Variants in BMPR2 observed in about 807,000 individuals in gnomAD.
BMPR2 encodes the protein bone morphogenetic protein receptor type 2, also known as bone morphogenetic protein receptor type-2.
A neutral mutation model predicts 100.8 loss-of-function variants in BMPR2; 29 were observed. The ratio of observed to expected loss-of-function variants is 0.29; its 90% CI spans 0.21 to 0.39. The LOEUF is 0.39. Among genes scored for constraint, BMPR2 ranks in the 10% least tolerant of loss-of-function variants. The probability of loss-of-function intolerance (pLI) is 1.00; values close to 1 mark genes in which losing one functional copy is unlikely to be tolerated. For synonymous variants in BMPR2, 382 were observed against 442.3 expected (o/e 0.86, Z 1.71); for missense variants, 1,011 against 1,274.5 (o/e 0.79, Z 3.15).
intron 12 of BMPR2, among the ~76,000 whole-genome samples, chr2:202,559,303 C>CCA (rs1559075419): frequency 7.2e-6 from 1 of 139,830 alleles, no homozygotes. Context: ...CTCCATCCCC[C>CCA]AAAAAAAAAA....
intron 3 of BMPR2, among the ~76,000 whole-genome samples, chr2:202,486,002 C>T (rs981697737): frequency 6.6e-6 from 1 of 152,004 alleles, no homozygotes; most frequent in Non-Finnish European, 1.5e-5. Flanking sequence ...TAGGATAAAA[C>T]ATCAGTTGTA....
Position 202,490,142 on chromosome 2 carries a change from A to G in BMPR2, c.418+22453A>G, listed in dbSNP as rs188060634. 8.7e-4 allele frequency among the ~76,000 whole-genome samples: 133 copies of G among 152,308 alleles called. 1 individual carries two copies. The highest frequency in any genetic ancestry group is 2.2e-3 in the Admixed American group (34 of 15,298). ...CATATTTTAGATTTCTGCTCGCCTT[A>G]TATTTGTCAGCTTCTCATTGGTCTG... On this transcript the variant is annotated intron_variant, in intron 3 of 12. Coordinates refer to ENST00000374580, the MANE Select transcript of BMPR2 (RefSeq NM_001204.7).
chr2:202,455,031 A>G (rs188034792), intron 1 of BMPR2, among the ~76,000 whole-genome samples: 470 of 152,260 alleles, frequency 3.1e-3, no homozygotes, highest in Non-Finnish European at 5.6e-3. Context: ...ATAGGGTACT[A>G]ATCCTATCTC....
intron 3 of BMPR2, chr2:202,469,407 A>C (rs180689674): frequency 4.8e-6 from 1 of 209,464 alleles, no homozygotes; most frequent in African/African-American, 2.3e-5. Flanking sequence ...TTAAGTACCT[A>C]ACAATGGAAA....
intron 7 of BMPR2, among the ~76,000 whole-genome samples, chr2:202,525,005 A>T (rs1195619420): frequency 6.6e-6 from 1 of 152,116 alleles, no homozygotes; most frequent in Non-Finnish European, 1.5e-5. Flanking sequence ...AAAGAAAAAA[A>T]TGTTCTTTTG....
chr2:202,448,924 GGTGTGTGTGTGTGT>G (rs55680029), intron 1 of BMPR2, among the ~76,000 whole-genome samples: 42 of 142,926 alleles, frequency 2.9e-4, no homozygotes, highest in Middle Eastern at 3.6e-3. Flanking sequence ...GTTTAGAATT[GGTGTGTGTGTGTGT>G]GTGTGTGTGT....
At position 202,446,194 on chromosome 2, in the gene BMPR2, A is replaced by G. The variant is rs148571731; in HGVS notation, c.77-18615A>G. 6.6e-3 allele frequency among the ~76,000 whole-genome samples: 986 copies of G among 150,306 alleles called. 108 individuals are homozygous for G. Among genetic ancestry groups the G allele is most frequent in the African/African-American group, 0.024 (943 of 39,808 alleles). ...GGTGGGCGGATCCCCTGAGGTTGGG[A>G]GTTCAAGACCAGCCTGACAACATGG... On this transcript the variant is annotated intron_variant, in intron 1 of 12. Coordinates refer to ENST00000374580, the MANE Select transcript of BMPR2 (RefSeq NM_001204.7).
At chr2:202,485,946 T>A (rs923103457) in intron 3 of BMPR2, among the ~76,000 whole-genome samples, 1 of 152,004 alleles carries the variant, frequency 6.6e-6, no homozygotes, top group Non-Finnish European at 1.5e-5. Flanking sequence ...GCTTAGTGCC[T>A]AGGGTGAGGG....
Position 202,561,018 on chromosome 2 carries a change from T to C in BMPR2, c.*1072T>C, listed in dbSNP as rs1688671098. 6.6e-6 allele frequency: 1 copy of C among 152,136 alleles called. No homozygotes were observed. The highest frequency in any genetic ancestry group is 2.4e-5 in the African/African-American group (1 of 41,446). 9.4% of individuals were successfully genotyped at this position (152,136 alleles called of 1,614,324 possible). On this transcript the variant is annotated 3_prime_UTR_variant, in exon 13 of 13. Coordinates refer to ENST00000374580, the MANE Select transcript of BMPR2 (RefSeq NM_001204.7). ...ATAGGCCATCTTTGACTCATAAAAT[T>C]ACCCTTACTGTTTATTATAACTTCA...
intron 3 of BMPR2, among the ~76,000 whole-genome samples, chr2:202,497,472 GCTCT>G (rs775219511): frequency 5.3e-5 from 8 of 152,330 alleles, no homozygotes; most frequent in Middle Eastern, 3.4e-3. Context: ...CTGGGAAAGG[GCTCT>G]CTAACAACCC....
At chr2:202,464,159 CAAA>C (rs71406983) in intron 1 of BMPR2, among the ~76,000 whole-genome samples, 8 of 62,950 alleles carry the variant, frequency 1.3e-4, no homozygotes, top group African/African-American at 4.1e-4. Context: ...AACTCTGTCT[CAAA>C]AAAAAAAAAA....
intron 1 of BMPR2, among the ~76,000 whole-genome samples, chr2:202,405,956 AT>A (rs1690882833): frequency 1.3e-5 from 2 of 152,178 alleles, no homozygotes; most frequent in Admixed American, 6.6e-5. Context: ...TTATACAGTC[AT>A]TTTGTAGTTG....
At chr2:202,507,356 C>T (rs1290766033) in intron 3 of BMPR2, among the ~76,000 whole-genome samples, 3 of 152,148 alleles carry the variant, frequency 2.0e-5, no homozygotes, top group Non-Finnish European at 4.4e-5. Flanking sequence ...AAATTCTTTG[C>T]ATCTTTGTAT....
chr2:202,543,669 CTCTA>C (rs1436091848), intron 10 of BMPR2, among the ~76,000 whole-genome samples: 1 of 152,034 alleles, frequency 6.6e-6, no homozygotes, highest in Non-Finnish European at 1.5e-5. Context: ...ACTTCAAATA[CTCTA>C]TCTATTCTTA....
At chr2:202,379,187 A>G (rs1690218772) in intron 1 of BMPR2, among the ~76,000 whole-genome samples, 1 of 152,184 alleles carries the variant, frequency 6.6e-6, no homozygotes. Flanking sequence ...CAGACCTGTA[A>G]CAGTAATGAT....
chr2:202,386,436 T>C (rs879585941), intron 1 of BMPR2, among the ~76,000 whole-genome samples: 8 of 152,148 alleles, frequency 5.3e-5, no homozygotes, highest in Non-Finnish European at 8.8e-5. Context: ...ATTAGAGATA[T>C]CTTTGTCTCT....
Position 202,503,156 on chromosome 2 carries a change from TGGCCAAATTC to T in BMPR2, c.419-10562_419-10553del, listed in dbSNP as rs1237676831. Among the ~76,000 whole-genome samples the T allele has an allele frequency of 1.3e-5, 2 of 152,210 alleles. No homozygotes were observed. Among genetic ancestry groups the T allele is most frequent in the African/African-American group, 2.4e-5 (1 of 41,466 alleles). ...AGCAGGAAATAGCTAGAGCGGTCATTGGCCAAATTCCCAACAGCATTTGGGGTGTCCTGTT... is the reference window on the plus strand; with the variant it reads ...AGCAGGAAATAGCTAGAGCGGTCATTCCAACAGCATTTGGGGTGTCCTGTT... On this transcript the variant is annotated intron_variant, in intron 3 of 12. Transcript: ENST00000374580. The surrounding 1 kb of genome is among the most constrained non-coding windows in gnomAD (Gnocchi z 4.0).
At chr2:202,398,145 AC>A (rs1690691518) in intron 1 of BMPR2, among the ~76,000 whole-genome samples, 1 of 151,868 alleles carries the variant, frequency 6.6e-6, no homozygotes, top group African/African-American at 2.4e-5. Context: ...ACCTGTACTT[AC>A]TTTTCTTTAT....
rs2105711216 is a variant in BMPR2, at chr2:202,555,388, A to T, written c.1723A>T (p.Thr575Ser). 6.2e-7 allele frequency: 1 copy of T among 1,614,178 alleles called. No individual in the cohort carries two copies. The highest frequency in any genetic ancestry group is 1.6e-4 in the Middle Eastern group (1 of 6,062). Residue 575 changes from threonine to serine, a missense_variant, in exon 12 of 13, where the codon ACA becomes TCA. Transcript: ENST00000374580. Reference protein sequence around the residue: ...NISSEHSMSSTPLTIGEKNRN... With the variant: ...NISSEHSMSSSPLTIGEKNRN... ...TTCCTCTGAGCATTCTATGTCCAGC[A>T]CACCTTTGACTATAGGGGAAAAAAA...
Sources: allele counts gnomAD v4.1 joint callset (sites outside exome capture counted in the v4.1 genomes callset), GRCh38; gene constraint gnomAD v4.1.1; non-coding constraint Gnocchi (gnomAD v3.1); transcripts MANE v1.5; gene names NCBI Gene and HGNC (gene_info 2026-07-23, HGNC 2026-07-21).